The following MMP16 variants were observed in gnomAD, a reference collection of about 807,000 sequenced individuals.
MMP16 encodes the protein matrix metallopeptidase 16, also known as matrix metalloproteinase-16.
Under a neutral mutation model 67.8 loss-of-function variants are expected in MMP16, and 12 were observed. The observed-to-expected ratio is 0.18, with a 90% CI of 0.11 to 0.29. The LOEUF (loss-of-function observed/expected upper bound fraction) is 0.29. MMP16 is among the 10% of genes least tolerant of loss of function. The probability of loss-of-function intolerance (pLI) is 1.00; values close to 1 mark genes in which losing one functional copy is unlikely to be tolerated. For synonymous variants in MMP16, 249 were observed against 255.9 expected, an observed-to-expected ratio of 0.97 and a Z score of 0.26; for missense variants, 475 against 765.7, an observed-to-expected ratio of 0.62 and a Z score of 4.48.
intron 1 of MMP16, among the ~76,000 whole-genome samples, chr8:88,246,575 C>T (rs1270820641): frequency 1.3e-5 from 2 of 152,078 alleles, no homozygotes; most frequent in Non-Finnish European, 2.9e-5. Flanking sequence ...TACTACCCAG[C>T]CCAACTTTAC....
At chr8:88,169,560 T>G (rs1298748850) in intron 3 of MMP16, among the ~76,000 whole-genome samples, 1 of 152,194 alleles carries the variant, frequency 6.6e-6, no homozygotes, top group Non-Finnish European at 1.5e-5. Flanking sequence ...TAAGATAAAT[T>G]TTTCACTATT....
At chr8:88,192,200 T>A (rs1053024924) in intron 2 of MMP16, among the ~76,000 whole-genome samples, 5 of 152,180 alleles carry the variant, frequency 3.3e-5, no homozygotes, top group Admixed American at 1.3e-4. Context: ...CCAGTTGCCA[T>A]GGGAAGATTT....
intron 1 of MMP16, among the ~76,000 whole-genome samples, chr8:88,305,817 T>C (rs1334701084): frequency 6.6e-6 from 1 of 152,110 alleles, no homozygotes; most frequent in Admixed American, 6.5e-5. Context: ...TAGCACTAAA[T>C]GCCCACATCA....
intron 1 of MMP16, among the ~76,000 whole-genome samples, chr8:88,324,750 A>T (rs1163133701): frequency 6.6e-6 from 1 of 152,102 alleles, no homozygotes; most frequent in Non-Finnish European, 1.5e-5. Context: ...AGTGTTTCCT[A>T]TCAAAAAAAA....
intron 1 of MMP16, among the ~76,000 whole-genome samples, chr8:88,253,154 C>G (rs913610180): frequency 1.3e-5 from 2 of 151,892 alleles, no homozygotes; most frequent in Non-Finnish European, 2.9e-5. Flanking sequence ...TTTGACACAG[C>G]TATTATTATG....
intron 3 of MMP16, among the ~76,000 whole-genome samples, chr8:88,173,838 G>T (rs1449141433): frequency 6.6e-6 from 1 of 152,060 alleles, no homozygotes; most frequent in Non-Finnish European, 1.5e-5. Context: ...TAAATATTTG[G>T]CTATTTCCCA....
chr8:88,107,979 T>C (rs574950991), intron 6 of MMP16, among the ~76,000 whole-genome samples: 1 of 151,222 alleles, frequency 6.6e-6, no homozygotes, highest in South Asian at 2.1e-4. Context: ...AGAAAAATCA[T>C]CTTAGGTACT....
At chr8:88,120,193 A>C (rs1265270968) in intron 4 of MMP16, among the ~76,000 whole-genome samples, 1 of 151,986 alleles carries the variant, frequency 6.6e-6, no homozygotes, top group African/African-American at 2.4e-5. Context: ...AAAAAAAAGA[A>C]AACAGAAGGA....
intron 8 of MMP16, among the ~76,000 whole-genome samples, chr8:88,054,852 G>A (rs1189821100): frequency 6.6e-6 from 1 of 152,092 alleles, no homozygotes; most frequent in Non-Finnish European, 1.5e-5. Flanking sequence ...CCTAAAGTTG[G>A]AGACATTGCA....
chr8:88,212,254 A>C (rs1023125510), intron 1 of MMP16, among the ~76,000 whole-genome samples: 1 of 152,166 alleles, frequency 6.6e-6, no homozygotes, highest in Non-Finnish European at 1.5e-5. Context: ...GGGCCTGAAT[A>C]AGATGCCTAC....
intron 3 of MMP16, among the ~76,000 whole-genome samples, chr8:88,177,522 G>T (rs1808912424): frequency 6.6e-6 from 1 of 152,080 alleles, no homozygotes; most frequent in Non-Finnish European, 1.5e-5. Context: ...CACTTTACGT[G>T]TTTTACCCCC....
At chr8:88,046,546 G>C in intron 9 of MMP16, 123 bp downstream of exon 9, 1 of 440,088 alleles carries the variant, frequency 2.3e-6, no homozygotes. Context: ...CATATAAATA[G>C]AAATACAGTA....
chr8:88,242,652 C>T (rs190366467), intron 1 of MMP16, among the ~76,000 whole-genome samples: 177 of 152,236 alleles, frequency 1.2e-3, no homozygotes, highest in Non-Finnish European at 2.0e-3. Flanking sequence ...CTGAATGCCA[C>T]ATGAATGCTG....
chr8:88,221,335 T>C (rs28904615), intron 1 of MMP16, among the ~76,000 whole-genome samples: 6,055 of 152,188 alleles, frequency 0.04, 324 homozygotes, highest in African/African-American at 0.12. Flanking sequence ...ACACAGTGTA[T>C]GCACAGTGAA....
chr8:88,130,987 T>C (rs550879846), intron 4 of MMP16, among the ~76,000 whole-genome samples: 2 of 151,822 alleles, frequency 1.3e-5, no homozygotes, highest in African/African-American at 4.8e-5. Flanking sequence ...TTTCTTTTCC[T>C]TTTAATTATG....
chr8:88,310,551 T>C (rs1409031409), intron 1 of MMP16, among the ~76,000 whole-genome samples: 1 of 152,096 alleles, frequency 6.6e-6, no homozygotes, highest in Non-Finnish European at 1.5e-5. Flanking sequence ...GATGATGTAA[T>C]CCACTCATTT....
intron 1 of MMP16, among the ~76,000 whole-genome samples, chr8:88,214,243 T>G (rs111874327): frequency 4.3e-4 from 66 of 152,314 alleles, no homozygotes; most frequent in African/African-American, 1.5e-3. Context: ...CTGAACCTTT[T>G]ATCACTTTTC....
intron 4 of MMP16, among the ~76,000 whole-genome samples, chr8:88,160,582 G>A (rs1808602331): frequency 6.6e-6 from 1 of 152,076 alleles, no homozygotes; most frequent in Admixed American, 6.6e-5. Context: ...ACCATGATGA[G>A]ATACCACCTC....
rs1600063 is a variant in MMP16, at chr8:88,105,041, C to G, written c.1083+11466G>C. On this transcript the variant is annotated intron_variant, in intron 6 of 9. Coordinates refer to ENST00000286614, the MANE Select transcript of MMP16 (RefSeq NM_005941.5). The stretch of plus-strand genomic sequence containing the variant: ...TGTACAGGAATATCCTAGGCCTTCA[C>G]ATTCAGTCATCATTTACTCACTGAT... 7.3e-3 allele frequency among the ~76,000 whole-genome samples: 1,104 copies of G among 151,520 alleles called. 18 individuals carry two copies. The highest frequency in any genetic ancestry group is 0.025 in the African/African-American group (1,031 of 41,442).
Sources: gnomAD v4.1 joint callset for allele counts (sites outside exome capture counted in the v4.1 genomes callset) on GRCh38, gnomAD v4.1.1 for gene constraint, MANE v1.5 for transcripts, NCBI Gene and HGNC (gene_info 2026-07-23, HGNC 2026-07-21) for gene names.